Variants in TRAFD1 observed in about 807,000 individuals in gnomAD.
TRAFD1 encodes the protein TRAF-type zinc finger domain-containing protein 1.
Under a neutral mutation model 65.3 loss-of-function variants are expected in TRAFD1, and 38 were observed. The ratio of observed to expected loss-of-function variants is 0.58; its 90% CI spans 0.45 to 0.76. TRAFD1 has a LOEUF of 0.76. Among genes scored for constraint, TRAFD1 ranks in the 30% least tolerant of loss-of-function variants. The probability of loss-of-function intolerance (pLI) is 0.00; values close to 1 mark genes in which losing one functional copy is unlikely to be tolerated. For missense variants in TRAFD1, 631 were observed against 712.6 expected (o/e 0.89, Z 1.30); for synonymous variants, 223 against 257.2 (o/e 0.87, Z 1.27).
chr12:112,143,729 G>GTT (rs869247106), intron 6 of TRAFD1, among the ~76,000 whole-genome samples: 105 of 121,748 alleles, frequency 8.6e-4, no homozygotes, highest in East Asian at 2.0e-3. Flanking sequence ...TCCCGCTTTG[G>GTT]TTTTTTTTTT....
chr12:112,152,759 G>A lies in TRAFD1; in HGVS notation c.1717G>A (p.Ala573Thr). The A allele has an allele frequency of 1.2e-6, 2 of 1,614,236 alleles. No individual in the cohort carries two copies. Among genetic ancestry groups the A allele is most frequent in the African/African-American group, 1.3e-5 (1 of 75,064 alleles). ...GGCAAAGCCTTCCAAGCAACAGGGA[G>A]CTGGGGATGCAGAAGAGGAAGAGGA... ...AKAKPSKQQGAGDAEEEEEE is the reference protein window; with the variant it reads ...AKAKPSKQQGTGDAEEEEEE Residue 573 changes from alanine to threonine, a missense_variant, in exon 12 of 12, where the codon GCT (alanine) becomes ACT (threonine). Coordinates refer to ENST00000412615, the MANE Select transcript of TRAFD1 (RefSeq NM_006700.3). This position sits in a 1 kb window ranked among gnomAD's most constrained non-coding sequence, Gnocchi z 5.0.
rs373851260 is a variant in TRAFD1, at chr12:112,152,016, C to A, written c.1495C>A (p.Arg499=). Residue 499 remains arginine (R), a synonymous_variant, in exon 10 of 12, where the codon CGA becomes AGA. Transcript: ENST00000412615. The surrounding 1 kb of genome is among the most constrained non-coding windows in gnomAD (Gnocchi z 5.0). ...SDSQDIQGRN[R]DSQNGAIAPG... The stretch of plus-strand genomic sequence containing the variant: ...CAGCCAGGACATCCAGGGGCGGAAT[C>A]GAGACAGCCAGAATGGGGCCATAGC... 6.1e-5 allele frequency: 98 copies of A among 1,614,130 alleles called. No homozygotes were observed. The highest frequency in any genetic ancestry group is 4.9e-4 in the Middle Eastern group (3 of 6,084).
chr12:112,132,211 C>T (rs1015766797), intron 2 of TRAFD1, among the ~76,000 whole-genome samples: 3 of 152,134 alleles, frequency 2.0e-5, no homozygotes, highest in Non-Finnish European at 4.4e-5. Context: ...TTTCTTCTTT[C>T]ACTTTGTTGG....
intron 4 of TRAFD1, among the ~76,000 whole-genome samples, chr12:112,138,613 T>G (rs1254090364): frequency 6.6e-6 from 1 of 150,422 alleles, no homozygotes; most frequent in Non-Finnish European, 1.5e-5. Context: ...ATCCCAGCAC[T>G]TCGGGAGGCT....
In TRAFD1 at chr12:112,142,297, T is replaced by C. The variant is rs2030114370; in HGVS notation, c.850+2T>C. The C allele has an allele frequency of 1.9e-6, 3 of 1,610,690 alleles. No homozygotes were observed. The highest frequency in any genetic ancestry group is 2.5e-6 in the Non-Finnish European group (3 of 1,177,090). ...CCAGGTCTCTCAGTGACATAAAGGG[T>C]AGGCTTGCTTATTCTGCACTAGCCT... is the stretch of plus-strand genomic sequence containing the variant. On this transcript the variant is annotated splice_donor_variant, in intron 6 of 11. Transcript: ENST00000412615. LOFTEE classifies it high-confidence loss of function.
intron 6 of TRAFD1, among the ~76,000 whole-genome samples, chr12:112,142,669 G>A (rs1220721492): frequency 6.6e-6 from 1 of 151,956 alleles, no homozygotes; most frequent in Non-Finnish European, 1.5e-5. Context: ...GGCTCTAAAG[G>A]ACATTATTGT....
chr12:112,147,935 C>T, intron 7 of TRAFD1, 139 bp from the exon 8 acceptor site: 1 of 682,822 alleles, frequency 1.5e-6, no homozygotes, highest in Non-Finnish European at 2.4e-6. Context: ...TCCCAAAGTG[C>T]TGGGATTACA....
Position 112,152,068 on chromosome 12 carries a change from C to T in TRAFD1, c.1547C>T (p.Pro516Leu). The change falls in exon 10 of 12, where the codon CCT (proline) becomes CTT (leucine). Residue 516 changes from proline (P) to leucine (L), a missense_variant. Transcript: ENST00000412615. This position sits in a 1 kb window ranked among gnomAD's most constrained non-coding sequence, Gnocchi z 5.0. The stretch of plus-strand genomic sequence containing the variant: ...CCTGGGCACGTTTCAGTGATTCGCC[C>T]TCCTCAAAATCTCTACCCAGAAAAC... ...IAPGHVSVIR[P>L]PQNLYPENIV... 2 of 1,614,202 alleles carry T rather than the reference C, an allele frequency of 1.2e-6. No homozygotes were observed. Among genetic ancestry groups the T allele is most frequent in the Non-Finnish European group, 8.5e-7 (1 of 1,180,014 alleles).
intron 4 of TRAFD1, among the ~76,000 whole-genome samples, chr12:112,136,054 G>A (rs745931065): frequency 3.3e-5 from 5 of 151,054 alleles, no homozygotes; most frequent in Non-Finnish European, 5.9e-5. Flanking sequence ...GCTTGAATCC[G>A]GAAGGCAGAG....
chr12:112,134,938 C>G (rs2079589378), intron 3 of TRAFD1, 65 bp downstream of exon 3: 2 of 1,612,678 alleles, frequency 1.2e-6, no homozygotes, highest in Non-Finnish European at 1.7e-6. Context: ...TAAATGTATT[C>G]TGTTTGCTAT....
chr12:112,132,396 T>G (rs185666083), intron 2 of TRAFD1, among the ~76,000 whole-genome samples: 1 of 152,328 alleles, frequency 6.6e-6, no homozygotes, highest in African/African-American at 2.4e-5. Flanking sequence ...CAGACTGTTT[T>G]TAGGCAGTTT....
Position 112,137,231 on chromosome 12 carries a change from A to C in TRAFD1, c.237+2165A>C, listed in dbSNP as rs2029936269. ...GGGTGAGACTCCATCTAAAACAAAC[A>C]AAAAAAAACTGGCTCACCTTGTTTT... On this transcript the variant is annotated intron_variant, in intron 4 of 11. Transcript: ENST00000412615. The surrounding 1 kb of genome is among the most constrained non-coding windows in gnomAD (Gnocchi z 4.2). 6.6e-6 allele frequency among the ~76,000 whole-genome samples: 1 copy of C among 151,086 alleles called. No individual in the cohort carries two copies. The highest frequency in any genetic ancestry group is 6.6e-5 in the Admixed American group (1 of 15,148).
At chr12:112,150,009 C>T in intron 9 of TRAFD1, 138 bp downstream of exon 9, 1 of 1,246,698 alleles carries the variant, frequency 8.0e-7, no homozygotes, top group Non-Finnish European at 1.1e-6. Flanking sequence ...TCATAGGGGA[C>T]TCCTCTGCAG....
At chr12:112,148,016 T>A in intron 7 of TRAFD1, 58 bp from the exon 8 acceptor site, 1 of 1,412,830 alleles carries the variant, frequency 7.1e-7, no homozygotes, top group Non-Finnish European at 9.7e-7. Context: ...ATTTTAGGAA[T>A]GTAGTTTTTT....
At chr12:112,126,453 G>C (rs1333914365) in intron 1 of TRAFD1, among the ~76,000 whole-genome samples, 1 of 152,148 alleles carries the variant, frequency 6.6e-6, no homozygotes, top group East Asian at 1.9e-4. Context: ...GAGGCCCAGA[G>C]AGGTTAAATC....
intron 1 of TRAFD1, 33 bp downstream of exon 1, chr12:112,125,651 C>A (rs936193563): frequency 3.3e-5 from 5 of 152,448 alleles, no homozygotes; most frequent in African/African-American, 4.8e-5. Flanking sequence ...GGCTGGAGAT[C>A]CCCTGTGGCC....
chr12:112,152,226 G>C lies in TRAFD1; in HGVS notation c.1619+86G>C. On this transcript the variant is annotated intron_variant, in intron 10 of 11. Transcript: ENST00000412615. This position sits in a 1 kb window ranked among gnomAD's most constrained non-coding sequence, Gnocchi z 5.0. ...CCTGGTTACCCTTGCCAGGCCTGGG[G>C]TAAGACTGAGGTACTTGCATGGTAA... 1 of 1,479,380 alleles carries C rather than the reference G, an allele frequency of 6.8e-7. No homozygotes were observed. Among genetic ancestry groups the C allele is most frequent in the Non-Finnish European group, 9.1e-7 (1 of 1,094,234 alleles). The allele number at this position is 1,479,380 out of a possible 1,614,324, so 91.6% of individuals were successfully genotyped here.
chr12:112,151,394 G>A (rs1180167925), intron 9 of TRAFD1, among the ~76,000 whole-genome samples: 2 of 151,056 alleles, frequency 1.3e-5, no homozygotes, highest in African/African-American at 4.9e-5. Context: ...GTGAGCAGTT[G>A]TCTTTTTTTT....
At position 112,146,437 on chromosome 12, in the gene TRAFD1, A is replaced by C. The variant is rs142145837; in HGVS notation, c.927+775A>C. ...GAAATCTCATGCTAGCAGCCCTTTCATGTGGTAGTGACTGGTGCACATATA... is the reference window on the plus strand; with the variant it reads ...GAAATCTCATGCTAGCAGCCCTTTCCTGTGGTAGTGACTGGTGCACATATA... On this transcript the variant is annotated intron_variant, in intron 7 of 11. Coordinates refer to ENST00000412615, the MANE Select transcript of TRAFD1 (RefSeq NM_006700.3). 3.3e-3 allele frequency among the ~76,000 whole-genome samples: 504 copies of C among 152,198 alleles called. 1 individual carries two copies. Among genetic ancestry groups the C allele is most frequent in the Non-Finnish European group, 4.4e-3 (296 of 68,012 alleles).
Sources: allele counts gnomAD v4.1 joint callset (sites outside exome capture counted in the v4.1 genomes callset), GRCh38; gene constraint gnomAD v4.1.1; non-coding constraint Gnocchi (gnomAD v3.1); transcripts MANE v1.5; gene names NCBI Gene and HGNC (gene_info 2026-07-23, HGNC 2026-07-21).